ZNF169: variants seen among roughly 807,000 people sequenced by gnomAD.
The protein encoded by ZNF169 is zinc finger protein 169.
A neutral mutation model predicts 12.0 loss-of-function variants in ZNF169; 11 were observed. That is an observed-to-expected ratio of 0.92 (90% confidence interval 0.58 to 1.52). The LOEUF (loss-of-function observed/expected upper bound fraction) is 1.52. Among genes scored for constraint, ZNF169 ranks in the 40% most tolerant of loss-of-function variants. The probability of loss-of-function intolerance (pLI) is 0.00; values close to 1 mark genes in which losing one functional copy is unlikely to be tolerated. For missense variants in ZNF169, 722 were observed against 744.0 expected, an observed-to-expected ratio of 0.97 and a Z score of 0.34; for synonymous variants, 302 against 286.5, an observed-to-expected ratio of 1.05 and a Z score of -0.55.
intron 2 of ZNF169, among the ~76,000 whole-genome samples, chr9:94,284,684 C>T (rs1026339897): frequency 2.6e-5 from 4 of 151,802 alleles, no homozygotes; most frequent in South Asian, 2.1e-4. Flanking sequence ...TAAATTTAAC[C>T]GAGGATGTAA....
chr9:94,269,470 G>C (rs1460982381), intron 1 of ZNF169, among the ~76,000 whole-genome samples: 1 of 152,172 alleles, frequency 6.6e-6, no homozygotes, highest in Non-Finnish European at 1.5e-5. Context: ...GCCCTCTGGA[G>C]GGTCCCCTGG....
In ZNF169 at chr9:94,268,790, A is replaced by C. The variant is rs1045423975; in HGVS notation, c.-56+9445A>C. ...GACAAAGTGAGACTCCATTTCAAAA[A>C]AAAAAAAAAAAATTTCCAAAGACAT... On this transcript the variant is annotated intron_variant, in intron 1 of 4. Coordinates refer to ENST00000395395, the MANE Select transcript of ZNF169 (RefSeq NM_194320.4). 3.3e-5 allele frequency among the ~76,000 whole-genome samples: 5 copies of C among 152,026 alleles called. No individual in the cohort carries two copies. The South Asian group carries it at 1.0e-3, about 32-fold the overall frequency.
intron 1 of ZNF169, among the ~76,000 whole-genome samples, chr9:94,272,999 A>G (rs2118573206): frequency 6.6e-6 from 1 of 152,128 alleles, no homozygotes; most frequent in African/African-American, 2.4e-5. Flanking sequence ...ATCTTTTCAT[A>G]TGGTTCTTGG....
At chr9:94,281,429 A>G (rs1408648387) in intron 2 of ZNF169, among the ~76,000 whole-genome samples, 1 of 152,224 alleles carries the variant, frequency 6.6e-6, no homozygotes, top group African/African-American at 2.4e-5. Context: ...ATGTTAGCTA[A>G]TAAGAAACTA....
intron 1 of ZNF169, among the ~76,000 whole-genome samples, chr9:94,269,313 G>A (rs927081728): frequency 3.3e-5 from 5 of 152,030 alleles, no homozygotes; most frequent in East Asian, 1.9e-4. Flanking sequence ...TGGTGGTACC[G>A]GACAAATGGC....
chr9:94,269,493 C>T (rs763245340), intron 1 of ZNF169, among the ~76,000 whole-genome samples: 16 of 152,138 alleles, frequency 1.1e-4, no homozygotes, highest in African/African-American at 1.9e-4. Context: ...AAACCTCACC[C>T]GGCAGCTGCT....
chr9:94,299,749 T>G (rs1831016625), intron 4 of ZNF169, 66 bp from the exon 5 acceptor site: 1 of 1,535,084 alleles, frequency 6.5e-7, no homozygotes, highest in African/African-American at 1.4e-5. Flanking sequence ...TGAAGAAAAC[T>G]GCTGGGCAGG....
chr9:94,265,389 G>A (rs530959911), intron 1 of ZNF169, among the ~76,000 whole-genome samples: 2 of 152,082 alleles, frequency 1.3e-5, no homozygotes, highest in East Asian at 3.9e-4. Flanking sequence ...AGACCAGCCT[G>A]GCCAACATGG....
chr9:94,300,691 A>C lies in ZNF169; in HGVS notation c.1133A>C (p.Glu378Ala). Residue 378 changes from glutamate (E) to alanine (A), a missense_variant, in exon 5 of 5, where the codon GAG becomes GCG. By Grantham distance (107) the Glu-to-Ala change is moderately radical (BLOSUM62 -1). Transcript: ENST00000395395. The part of the protein sequence containing the change: ...HTGERPFLCL[E>A]CGRSFRQQSL... Reference sequence around the variant, plus strand: ...GGGGAGAGGCCCTTCCTGTGCCTTGAGTGTGGGCGTAGCTTCAGGCAGCAG... The same window carrying C: ...GGGGAGAGGCCCTTCCTGTGCCTTGCGTGTGGGCGTAGCTTCAGGCAGCAG... 1 of 1,613,708 alleles carries C rather than the reference A, an allele frequency of 6.2e-7. No homozygotes were observed. The highest frequency in any genetic ancestry group is 8.5e-7 in the Non-Finnish European group (1 of 1,179,780).
chr9:94,288,439 C>T, intron 2 of ZNF169: 2 of 1,130,880 alleles, frequency 1.8e-6, no homozygotes, highest in South Asian at 1.2e-5. Context: ...AAATTCCAAT[C>T]CATTCTTCTC....
At position 94,293,012 on chromosome 9, in the gene ZNF169, G is replaced by C. The variant is rs755793255; in HGVS notation, c.199G>C (p.Glu67Gln). 2.5e-6 allele frequency: 4 copies of C among 1,613,422 alleles called. No individual in the cohort carries two copies. Among genetic ancestry groups the C allele is most frequent in the Non-Finnish European group, 3.4e-6 (4 of 1,179,774 alleles). ...FSKPKLIEQL[E>Q]QGDEPWREEN... is the part of the protein sequence containing the mutation. Reference sequence around the variant, plus strand: ...CAAACCAAAACTCATCGAACAGCTGGAGCAAGGCGACGAACCTTGGAGAGA... The same window carrying C: ...CAAACCAAAACTCATCGAACAGCTGCAGCAAGGCGACGAACCTTGGAGAGA... The change falls in exon 4 of 5, where the codon GAG becomes CAG. Residue 67 changes from glutamate (E) to glutamine (Q), a missense_variant. Transcript: ENST00000395395.
At chr9:94,260,484 G>T (rs1360107329) in intron 1 of ZNF169, among the ~76,000 whole-genome samples, 2 of 13,854 alleles carry the variant, frequency 1.4e-4, no homozygotes, top group African/African-American at 4.1e-3. Flanking sequence ...TCTTGATAGT[G>T]GGGGGGGGGA....
At chr9:94,272,988 C>T (rs1463769234) in intron 1 of ZNF169, among the ~76,000 whole-genome samples, 3 of 152,052 alleles carry the variant, frequency 2.0e-5, no homozygotes, top group African/African-American at 7.2e-5. Flanking sequence ...TGATGTTGAA[C>T]ATCTTTTCAT....
In ZNF169 at chr9:94,301,372, C is replaced by T; in HGVS notation, c.*2C>T. 1 of 1,596,274 alleles carries T rather than the reference C, an allele frequency of 6.3e-7. No homozygotes were observed. The highest frequency in any genetic ancestry group is 8.6e-7 in the Non-Finnish European group (1 of 1,168,156). On this transcript the variant is annotated 3_prime_UTR_variant, in exon 5 of 5. Coordinates refer to ENST00000395395, the MANE Select transcript of ZNF169 (RefSeq NM_194320.4). ...CTCCTACCCCAAGAGGTCTTCTGAC[C>T]TTTCCTTTCCCCGTGAGTGTGAAGC...
intron 4 of ZNF169, chr9:94,294,485 C>G (rs1053058380): frequency 6.6e-6 from 1 of 152,066 alleles, no homozygotes; most frequent in Admixed American, 6.6e-5. Flanking sequence ...GTAGCTGGTT[C>G]ACAGGCATGC....
intron 4 of ZNF169, chr9:94,294,449 A>G (rs1237788327): frequency 1.3e-5 from 2 of 152,142 alleles, no homozygotes; most frequent in Non-Finnish European, 2.9e-5. Context: ...CAAAGAAAAA[A>G]AAAAAGATAT....
rs1461477674 is a variant in ZNF169 at position 94,301,567 on chromosome 9, T to C, written c.*197T>C. The C allele has an allele frequency of 5.2e-6, 5 of 966,400 alleles. No individual in the cohort carries two copies. In the South Asian group the frequency reaches 1.1e-4, roughly 22 times the overall value. The allele number at this position is 966,400 out of a possible 1,614,324, so 59.9% of individuals were successfully genotyped here. A position where few individuals can be genotyped will look rare whatever the true frequency, so the allele number is the denominator to read the frequency against. Reference sequence around the variant, plus strand: ...TAACAAAGTACCCCAGGCTGGGTGATTTTGACAACGGAAATATATTTTCAT... The same window carrying C: ...TAACAAAGTACCCCAGGCTGGGTGACTTTGACAACGGAAATATATTTTCAT... On this transcript the variant is annotated 3_prime_UTR_variant, in exon 5 of 5. Transcript: ENST00000395395.
chr9:94,259,997 C>T (rs1305135729), intron 1 of ZNF169, among the ~76,000 whole-genome samples: 1 of 152,150 alleles, frequency 6.6e-6, no homozygotes, highest in Admixed American at 6.5e-5. Context: ...CGCCCCACCC[C>T]AGCCGCCGGG....
chr9:94,264,299 C>G (rs1395016892), intron 1 of ZNF169, among the ~76,000 whole-genome samples: 1 of 152,038 alleles, frequency 6.6e-6, no homozygotes, highest in East Asian at 1.9e-4. Context: ...CCATGCCCAG[C>G]TAATTTTTGT....
Sources: allele counts gnomAD v4.1 joint callset (sites outside exome capture counted in the v4.1 genomes callset), GRCh38; gene constraint gnomAD v4.1.1; transcripts MANE v1.5; gene names NCBI Gene and HGNC (gene_info 2026-07-23, HGNC 2026-07-21).